Variants in CSMD1 observed in about 807,000 individuals in gnomAD.
CSMD1 encodes the protein CUB and Sushi multiple domains 1.
Under a neutral mutation model 417.5 loss-of-function variants are expected in CSMD1, and 213 were observed. That is an observed-to-expected ratio of 0.51 (90% CI 0.46 to 0.57). CSMD1 has a LOEUF of 0.57. Among genes scored for constraint, CSMD1 ranks in the 20% least tolerant of loss-of-function variants. The pLI is 0.00. For missense variants in CSMD1, 6,923 were observed against 4,529.7 expected, an observed-to-expected ratio of 1.53 and a Z score of -15.17; for synonymous variants, 2,862 against 1,736.8, an observed-to-expected ratio of 1.65 and a Z score of -16.11.
intron 3 of CSMD1, among the ~76,000 whole-genome samples, chr8:4,258,587 G>T (rs1803650973): frequency 1.3e-5 from 1 of 75,562 alleles, no homozygotes; most frequent in African/African-American, 4.6e-5. Flanking sequence ...AGGAAGGAGG[G>T]ATGGAGGGAA....
Position 3,586,234 on chromosome 8 carries a change from C to T in CSMD1, c.1124G>A (p.Cys375Tyr). 1 of 1,606,210 alleles carries T rather than the reference C, an allele frequency of 6.2e-7. No homozygotes were observed. The highest frequency in any genetic ancestry group is 8.5e-7 in the Non-Finnish European group (1 of 1,177,674). Reference sequence around the variant, plus strand: ...TCCCTGGAGCACGTAATTGTCCTCACATGAAAACTGTACATTTGCACCAAC... The same window carrying T: ...TCCCTGGAGCACGTAATTGTCCTCATATGAAAACTGTACATTTGCACCAAC... ...FRVGANVQFSCEDNYVLQGSK... is the reference protein window; with the variant it reads ...FRVGANVQFSYEDNYVLQGSK... Residue 375 changes from cysteine to tyrosine, a missense_variant, in exon 9 of 70, where the codon TGT (cysteine) becomes TAT (tyrosine). Physicochemically the swap from Cys to Tyr is radical, Grantham distance 194. Coordinates refer to ENST00000635120, the MANE Select transcript of CSMD1 (RefSeq NM_033225.6).
At chr8:4,397,654 C>T (rs995267891) in intron 3 of CSMD1, among the ~76,000 whole-genome samples, 12 of 143,490 alleles carry the variant, frequency 8.4e-5, no homozygotes, top group African/African-American at 2.8e-4. Flanking sequence ...TTCTAAGATT[C>T]TGCTTTAAAT....
At position 4,004,769 on chromosome 8, in the gene CSMD1, G is replaced by C. The variant is rs142741625; in HGVS notation, c.611-6659C>G. 3.6e-3 allele frequency among the ~76,000 whole-genome samples: 548 copies of C among 151,954 alleles called. 15 individuals carry two copies. In the East Asian group the frequency reaches 0.061, roughly 17 times the overall value. On this transcript the variant is annotated intron_variant, in intron 4 of 69. Coordinates refer to ENST00000635120, the MANE Select transcript of CSMD1 (RefSeq NM_033225.6). ...TTTGTTTTGTTTTGTTTTTGAGATGGCGTCTCACTCTGTTGCCCAGGCTGG... is the reference window on the plus strand; with the variant it reads ...TTTGTTTTGTTTTGTTTTTGAGATGCCGTCTCACTCTGTTGCCCAGGCTGG...
At chr8:3,462,059 G>C (rs1816538705) in intron 12 of CSMD1, among the ~76,000 whole-genome samples, 2 of 152,132 alleles carry the variant, frequency 1.3e-5, no homozygotes, top group Admixed American at 6.5e-5. Flanking sequence ...ATACTGACCA[G>C]TGCTAGTGCT....
intron 5 of CSMD1, among the ~76,000 whole-genome samples, chr8:3,938,278 G>T (rs996023231): frequency 6.6e-6 from 1 of 152,072 alleles, no homozygotes; most frequent in Non-Finnish European, 1.5e-5. Context: ...CAGAGCACAA[G>T]GGAAAAAACT....
At chr8:3,242,662 C>G (rs561826503) in intron 26 of CSMD1, among the ~76,000 whole-genome samples, 48 of 151,828 alleles carry the variant, frequency 3.2e-4, no homozygotes, top group African/African-American at 9.7e-4. Context: ...TTTAAGAACA[C>G]AGGCTAAGGG....
chr8:4,082,341 T>G (rs1289648910), intron 3 of CSMD1, among the ~76,000 whole-genome samples: 1 of 152,172 alleles, frequency 6.6e-6, no homozygotes, highest in African/African-American at 2.4e-5. Flanking sequence ...TTTTTAAAGT[T>G]AAAATGACAG....
chr8:3,032,371 C>T (rs1467325445), intron 50 of CSMD1, among the ~76,000 whole-genome samples: 2 of 151,876 alleles, frequency 1.3e-5, no homozygotes, highest in South Asian at 2.1e-4. Context: ...AGAAAAGGTA[C>T]AGTCTTTGTC....
At chr8:4,127,334 T>A (rs11785517) in intron 3 of CSMD1, among the ~76,000 whole-genome samples, 1 of 151,016 alleles carries the variant, frequency 6.6e-6, no homozygotes, top group Non-Finnish European at 1.5e-5. Context: ...TTTCTGGCAG[T>A]ACAAGCCTCT....
At chr8:3,689,036 A>G (rs1344900338) in intron 7 of CSMD1, among the ~76,000 whole-genome samples, 2 of 152,224 alleles carry the variant, frequency 1.3e-5, no homozygotes, top group East Asian at 3.8e-4. Context: ...ATAAGCAGGA[A>G]TCTAAGGGTC....
rs118033975 is a variant in CSMD1, at chr8:4,082,100, A to G, written c.416-50001T>C. On this transcript the variant is annotated intron_variant, in intron 3 of 69. Transcript: ENST00000635120. ...GAAGATTACTGAGACTTATCAAGAAAAAGAAGAGATATGTATTAACTACAT... is the reference window on the plus strand; with the variant it reads ...GAAGATTACTGAGACTTATCAAGAAGAAGAAGAGATATGTATTAACTACAT... Among the ~76,000 whole-genome samples the G allele has an allele frequency of 9.0e-4, 137 of 152,294 alleles. 1 individual carries two copies. In the East Asian group the frequency reaches 0.016, roughly 18 times the overall value.
At chr8:3,563,798 A>G (rs1240498078) in intron 10 of CSMD1, among the ~76,000 whole-genome samples, 1 of 152,080 alleles carries the variant, frequency 6.6e-6, no homozygotes, top group Non-Finnish European at 1.5e-5. Context: ...CTGAAGGGGG[A>G]GAATTTCTTG....
chr8:3,833,621 A>T (rs1479979224), intron 5 of CSMD1, among the ~76,000 whole-genome samples: 1 of 152,086 alleles, frequency 6.6e-6, no homozygotes, highest in African/African-American at 2.4e-5. Context: ...TCTTTAAAAC[A>T]CATGGAAGTG....
chr8:4,675,776 G>C (rs1036958803), intron 1 of CSMD1, among the ~76,000 whole-genome samples: 3 of 152,108 alleles, frequency 2.0e-5, no homozygotes, highest in East Asian at 1.9e-4. Context: ...CAGTAAGCCT[G>C]TGTTTACATT....
At position 4,217,942 on chromosome 8, in the gene CSMD1, G is replaced by A. The variant is rs73496599; in HGVS notation, c.416-185843C>T. On this transcript the variant is annotated intron_variant, in intron 3 of 69. Transcript: ENST00000635120. ...ACAAGATTCAGGAGCAAAGAAATGT[G>A]CAGAGGCTCCAGGTAATGCCATGGT... Among the ~76,000 whole-genome samples the A allele has an allele frequency of 4.0e-3, 603 of 152,292 alleles. 5 individuals are homozygous for A. Among genetic ancestry groups the A allele is most frequent in the African/African-American group, 0.014 (572 of 41,564 alleles).
chr8:3,889,932 C>T (rs1256234639), intron 5 of CSMD1, among the ~76,000 whole-genome samples: 1 of 152,142 alleles, frequency 6.6e-6, no homozygotes, highest in Non-Finnish European at 1.5e-5. Flanking sequence ...CCCGTAGTCT[C>T]AGACGGTTGG....
At chr8:3,912,472 C>A (rs186232699) in intron 5 of CSMD1, among the ~76,000 whole-genome samples, 1 of 152,080 alleles carries the variant, frequency 6.6e-6, no homozygotes, top group Non-Finnish European at 1.5e-5. Context: ...AGAGAGGCTG[C>A]GTGCTCCTAG....
chr8:4,844,414 G>A (rs550913632), intron 1 of CSMD1, among the ~76,000 whole-genome samples: 13 of 152,192 alleles, frequency 8.5e-5, no homozygotes, highest in African/African-American at 2.9e-4. Context: ...GGATGCTACA[G>A]CTTTCACCCA....
At chr8:3,364,915 G>A (rs919507238) in intron 20 of CSMD1, among the ~76,000 whole-genome samples, 7 of 152,226 alleles carry the variant, frequency 4.6e-5, no homozygotes, top group African/African-American at 1.7e-4. Context: ...TGTGGTGAGG[G>A]CACCAGAATA....
Sources: allele counts gnomAD v4.1 joint callset (sites outside exome capture counted in the v4.1 genomes callset), GRCh38; gene constraint gnomAD v4.1.1; transcripts MANE v1.5; gene names NCBI Gene and HGNC (gene_info 2026-07-23, HGNC 2026-07-21).